The following TMPRSS15 variants were observed in gnomAD, a reference collection of about 807,000 sequenced individuals.
TMPRSS15 encodes the protein transmembrane serine protease 15.
A neutral mutation model predicts 125.3 loss-of-function variants in TMPRSS15; 128 were observed. The ratio of observed to expected loss-of-function variants is 1.02; its 90% CI spans 0.89 to 1.18. TMPRSS15 has a LOEUF of 1.18. Ranked by LOEUF, TMPRSS15 falls within the 50% of genes most tolerant of loss-of-function variation. The probability of loss-of-function intolerance (pLI) is 0.00; values close to 1 mark genes in which losing one functional copy is unlikely to be tolerated. For synonymous variants in TMPRSS15, 446 were observed against 423.2 expected, an observed-to-expected ratio of 1.05 and a Z score of -0.66; for missense variants, 1,283 against 1,212.7, an observed-to-expected ratio of 1.06 and a Z score of -0.86.
intron 6 of TMPRSS15, among the ~76,000 whole-genome samples, chr21:18,366,079 A>G (rs901788859): frequency 6.6e-6 from 1 of 152,118 alleles, no homozygotes; most frequent in Non-Finnish European, 1.5e-5. Context: ...GCTGCACTTT[A>G]AGTGTATTCT....
intron 1 of TMPRSS15, among the ~76,000 whole-genome samples, chr21:18,400,851 G>A (rs1035174896): frequency 1.1e-4 from 17 of 152,132 alleles, no homozygotes; most frequent in South Asian, 4.1e-4. Context: ...CTAATATCCC[G>A]AATCTATAAG....
At chr21:18,350,781 C>A (rs540226566) in intron 10 of TMPRSS15, among the ~76,000 whole-genome samples, 3 of 151,268 alleles carry the variant, frequency 2.0e-5, no homozygotes, top group East Asian at 3.9e-4. Flanking sequence ...ATTTCCTATT[C>A]TCTGTTTTTT....
At chr21:18,377,078 A>G (rs970722698) in intron 5 of TMPRSS15, among the ~76,000 whole-genome samples, 1 of 152,146 alleles carries the variant, frequency 6.6e-6, no homozygotes, top group African/African-American at 2.4e-5. Flanking sequence ...AATACATAGT[A>G]TCTTGCCGTA....
chr21:18,478,310 G>C (rs1254115050), intron 1 of TMPRSS15, among the ~76,000 whole-genome samples: 1 of 151,936 alleles, frequency 6.6e-6, no homozygotes, highest in Non-Finnish European at 1.5e-5. Flanking sequence ...TCTTGGTTAT[G>C]CTGTTCGTCC....
In TMPRSS15 at chr21:18,278,924, G is replaced by GTTTGT. The variant is rs769392758; in HGVS notation, c.2764+39_2764+40insACAAA. On this transcript the variant is annotated intron_variant, in intron 23 of 24. Coordinates refer to ENST00000284885, the MANE Select transcript of TMPRSS15 (RefSeq NM_002772.3). The stretch of plus-strand genomic sequence containing the variant: ...TGACAGTCTGTTTTTCACCAGTAAG[G>GTTTGT]TTTTTTTTTTTTTTTTTTTTTTTGA... The GTTTGT allele has an allele frequency of 3.6e-3, 1,599 of 440,200 alleles. 61 individuals carry two copies. In the African/African-American group the frequency reaches 0.047, roughly 13 times the overall value. 27.3% of individuals were successfully genotyped at this position (440,200 alleles called of 1,614,324 possible). A position where few individuals can be genotyped will look rare whatever the true frequency, so the allele number is the denominator to read the frequency against.
At chr21:18,472,239 T>C (rs150368503) in intron 1 of TMPRSS15, among the ~76,000 whole-genome samples, 14 of 152,084 alleles carry the variant, frequency 9.2e-5, no homozygotes, top group African/African-American at 3.4e-4. Flanking sequence ...TTTTTTGTTC[T>C]ATGAGAAAAG....
intron 10 of TMPRSS15, among the ~76,000 whole-genome samples, chr21:18,346,057 ATATC>A (rs2075505652): frequency 1.3e-5 from 2 of 152,068 alleles, no homozygotes; most frequent in Admixed American, 6.6e-5. Flanking sequence ...CCTAGAGTAA[ATATC>A]ATATAGAATT....
At chr21:18,328,384 T>C (rs7281315) in intron 15 of TMPRSS15, among the ~76,000 whole-genome samples, 29,915 of 152,176 alleles carry the variant, frequency 0.2, 3,508 homozygotes, top group Non-Finnish European at 0.26. Flanking sequence ...TTAAAAATTT[T>C]GTATAACACA....
chr21:18,280,888 C>T (rs2074689814), intron 22 of TMPRSS15, 152 bp downstream of exon 22: 2 of 812,276 alleles, frequency 2.5e-6, no homozygotes, highest in African/African-American at 3.5e-5. Context: ...ATATATTTCT[C>T]TCTACTCCCT....
At chr21:18,413,245 T>C (rs934161242) in intron 1 of TMPRSS15, among the ~76,000 whole-genome samples, 5 of 147,830 alleles carry the variant, frequency 3.4e-5, no homozygotes, top group Admixed American at 6.7e-5. Flanking sequence ...TCTCTCTCTT[T>C]CTTCCTTCCT....
At chr21:18,340,526 A>G (rs1229527307) in intron 13 of TMPRSS15, among the ~76,000 whole-genome samples, 2 of 151,332 alleles carry the variant, frequency 1.3e-5, no homozygotes, top group East Asian at 3.9e-4. Flanking sequence ...CTCCTTAAAA[A>G]CTCTGTTTCA....
In TMPRSS15 at chr21:18,365,588, TTC is replaced by T. The variant is rs1361348195; in HGVS notation, c.665-342_665-341del. ...TTTCTCTCTCTTTCTCTCTTTTTCC[TTC>T]CTTCCTTCCTTCTTTCCTTCCTTTT... On this transcript the variant is annotated intron_variant, in intron 6 of 24. Transcript: ENST00000284885. Among the ~76,000 whole-genome samples, 16 of 116,322 alleles carry T rather than the reference TTC, an allele frequency of 1.4e-4. 1 individual carries two copies. The highest frequency in any genetic ancestry group is 2.7e-4 in the African/African-American group (9 of 33,604). The allele number at this position is 116,322 out of a possible 152,430, so 76.3% of individuals were successfully genotyped here.
At chr21:18,310,051 A>C (rs1052154072) in intron 18 of TMPRSS15, among the ~76,000 whole-genome samples, 2 of 152,142 alleles carry the variant, frequency 1.3e-5, no homozygotes, top group Non-Finnish European at 2.9e-5. Flanking sequence ...TAGGTATAGA[A>C]GGAACGTACC....
intron 1 of TMPRSS15, among the ~76,000 whole-genome samples, chr21:18,409,551 T>C (rs1181468279): frequency 6.6e-6 from 1 of 152,068 alleles, no homozygotes; most frequent in Non-Finnish European, 1.5e-5. Context: ...TACATTTCAA[T>C]TATATGCAAT....
rs369318267 is a variant in TMPRSS15 at position 18,273,113 on chromosome 21, T to G, written c.2904+2084A>C. Among the ~76,000 whole-genome samples, 25 of 152,294 alleles carry G rather than the reference T, an allele frequency of 1.6e-4. 2 individuals are homozygous for G. The highest frequency in any genetic ancestry group is 1.2e-3 in the Admixed American group (19 of 15,292). On this transcript the variant is annotated intron_variant, in intron 24 of 24. Coordinates refer to ENST00000284885, the MANE Select transcript of TMPRSS15 (RefSeq NM_002772.3). ...CATTGAAAGCCATTGGAATAGAATA[T>G]GGCTTGGAATGGTAGGTAGAGTGTC...
At chr21:18,324,958 A>G (rs2146958942) in intron 16 of TMPRSS15, among the ~76,000 whole-genome samples, 2 of 152,318 alleles carry the variant, frequency 1.3e-5, no homozygotes, top group South Asian at 4.1e-4. Flanking sequence ...ATCATCAGCA[A>G]CAAAATAATC....
At chr21:18,321,349 C>T (rs866575767) in intron 16 of TMPRSS15, among the ~76,000 whole-genome samples, 50 of 100,566 alleles carry the variant, frequency 5.0e-4, no homozygotes, top group East Asian at 9.1e-4. Context: ...TTTTTTCCTT[C>T]TTTTTTTTTT....
intron 3 of TMPRSS15, among the ~76,000 whole-genome samples, chr21:18,386,264 T>G (rs1021195653): frequency 1.3e-5 from 2 of 152,172 alleles, no homozygotes; most frequent in African/African-American, 4.8e-5. Flanking sequence ...GTTATACAGC[T>G]TATTAGTGTC....
chr21:18,442,512 A>C (rs571955843), intron 1 of TMPRSS15, among the ~76,000 whole-genome samples: 2 of 152,336 alleles, frequency 1.3e-5, no homozygotes, highest in African/African-American at 4.8e-5. Flanking sequence ...TATTCAAAGT[A>C]ATCAATGCTA....
Sources: allele counts gnomAD v4.1 joint callset (sites outside exome capture counted in the v4.1 genomes callset), GRCh38; gene constraint gnomAD v4.1.1; transcripts MANE v1.5; gene names NCBI Gene and HGNC (gene_info 2026-07-23, HGNC 2026-07-21).